The following LRP6 variants were observed in gnomAD, a reference collection of about 807,000 sequenced individuals.
The protein encoded by LRP6 is low-density lipoprotein receptor-related protein 6.
Under a neutral mutation model 184.1 loss-of-function variants are expected in LRP6, and 43 were observed. That is an observed-to-expected ratio of 0.23 (90% CI 0.18 to 0.30). The LOEUF (loss-of-function observed/expected upper bound fraction) is 0.30. Ranked by LOEUF, LRP6 falls within the 10% of genes least tolerant of loss-of-function variation. The pLI, the probability that LRP6 is intolerant of heterozygous loss-of-function variation, is 1.00. For missense variants in LRP6, 1,571 were observed against 2,005.3 expected (o/e 0.78, Z 4.14); for synonymous variants, 719 against 684.9 (o/e 1.05, Z -0.78).
Position 12,157,708 on chromosome 12 carries a change from A to G in LRP6, c.2791+1121T>C, listed in dbSNP as rs187088773. ...AAGAAAGTCATGTCAATAGTTAATTACCTCTAATATCCTTAGCAGTTTGTT... is the reference window on the plus strand; with the variant it reads ...AAGAAAGTCATGTCAATAGTTAATTGCCTCTAATATCCTTAGCAGTTTGTT... On this transcript the variant is annotated intron_variant, in intron 12 of 22. Transcript: ENST00000261349. Among the ~76,000 whole-genome samples, 301 of 152,286 alleles carry G rather than the reference A, an allele frequency of 2.0e-3. 2 individuals carry two copies. The highest frequency in any genetic ancestry group is 6.5e-3 in the African/African-American group (270 of 41,570).
rs771081750 is a variant in LRP6, at chr12:12,158,903, G to C, written c.2717C>G (p.Ala906Gly). 6.2e-6 allele frequency: 10 copies of C among 1,614,244 alleles called. No homozygotes were observed. Among genetic ancestry groups the C allele is most frequent in the Non-Finnish European group, 8.5e-6 (10 of 1,180,046 alleles). ...ACAAACAAAACCCCCAACTGGCACAGCCAAGCAGAGGTGGGAGCAGTGCCC... is the reference window on the plus strand; with the variant it reads ...ACAAACAAAACCCCCAACTGGCACACCCAAGCAGAGGTGGGAGCAGTGCCC... Reference protein sequence around the residue: ...SNGHCSHLCLAVPVGGFVCGC... With the variant: ...SNGHCSHLCLGVPVGGFVCGC... Residue 906 changes from alanine to glycine, a missense_variant, in exon 12 of 23, where the codon GCT becomes GGT. Transcript: ENST00000261349.
At chr12:12,229,314 G>C (rs1864714747) in intron 2 of LRP6, among the ~76,000 whole-genome samples, 1 of 147,768 alleles carries the variant, frequency 6.8e-6, no homozygotes, top group Non-Finnish European at 1.5e-5. Context: ...AGGTTGCTGT[G>C]AGCCGAGATC....
intron 2 of LRP6, among the ~76,000 whole-genome samples, chr12:12,204,072 C>T (rs1863984025): frequency 6.6e-6 from 1 of 152,066 alleles, no homozygotes; most frequent in Non-Finnish European, 1.5e-5. Flanking sequence ...AAATTAACAT[C>T]ACCAATAAGG....
chr12:12,197,626 G>GC (rs1863799190), intron 3 of LRP6, among the ~76,000 whole-genome samples: 1 of 152,046 alleles, frequency 6.6e-6, no homozygotes, highest in Non-Finnish European at 1.5e-5. Context: ...TTCCTCTCTT[G>GC]CCCATTAAGA....
rs1007508395 is a variant in LRP6 at position 12,120,939 on chromosome 12, A to C, written c.*187T>G. On this transcript the variant is annotated 3_prime_UTR_variant, in exon 23 of 23. Coordinates refer to ENST00000261349, the MANE Select transcript of LRP6 (RefSeq NM_002336.3). ...GCACAAGCAGCAAATCTGCTGTTTT[A>C]AGAAAATATATAAATATCCTTTTCT... The C allele has an allele frequency of 2.0e-6, 1 of 488,414 alleles. No homozygotes were observed. Among genetic ancestry groups the C allele is most frequent in the Non-Finnish European group, 3.4e-6 (1 of 290,260 alleles). The allele number at this position is 488,414 out of a possible 1,614,324, so 30.3% of individuals were successfully genotyped here.
chr12:12,164,494 G>C lies in LRP6; in HGVS notation c.1831C>G (p.Arg611Gly). The change falls in exon 9 of 23, where the codon CGC becomes GGC. Residue 611 changes from arginine to glycine, a missense_variant. Transcript: ENST00000261349. ...HLCLYRPQGLRCACPIGFELI... is the reference protein window; with the variant it reads ...HLCLYRPQGLGCACPIGFELI... ...TCAAAGCCAATAGGGCAAGCACAGC[G>C]AAGGCCCTGAGGTCTATAGAGGCAG... 6.2e-7 allele frequency: 1 copy of C among 1,614,134 alleles called. No homozygotes were observed. Among genetic ancestry groups the C allele is most frequent in the Non-Finnish European group, 8.5e-7 (1 of 1,180,026 alleles).
chr12:12,142,502 T>C (rs1226888538), intron 15 of LRP6, among the ~76,000 whole-genome samples: 2 of 151,452 alleles, frequency 1.3e-5, no homozygotes, highest in Non-Finnish European at 2.9e-5. Context: ...AAATACGAAA[T>C]AGAAAAAGGT....
chr12:12,180,260 T>TA lies in LRP6; in HGVS notation c.1374-280dup, dbSNP rs397688529. Among the ~76,000 whole-genome samples, 708 of 149,888 alleles carry TA rather than the reference T, an allele frequency of 4.7e-3. 2 individuals carry two copies. The highest frequency in any genetic ancestry group is 0.016 in the African/African-American group (652 of 40,956). The stretch of plus-strand genomic sequence containing the variant: ...TACTTCTTTTTTTTTTTTTTTTTTT[T>TA]AAATATTTTGTGTGCCCTTTTCCAT... On this transcript the variant is annotated intron_variant, in intron 6 of 22. Transcript: ENST00000261349.
intron 22 of LRP6, among the ~76,000 whole-genome samples, chr12:12,124,012 A>G (rs896462632): frequency 1.3e-5 from 2 of 152,142 alleles, no homozygotes; most frequent in Non-Finnish European, 2.9e-5. Flanking sequence ...CCTCCTTAGA[A>G]TACTGCCAAA....
At chr12:12,162,979 CT>C (rs1291197609) in intron 9 of LRP6, among the ~76,000 whole-genome samples, 2 of 152,002 alleles carry the variant, frequency 1.3e-5, no homozygotes, top group Non-Finnish European at 2.9e-5. Context: ...GGCATCACCC[CT>C]ATTTTATGTT....
rs533108615 is a variant in LRP6, at chr12:12,256,202, A to G, written c.55+10479T>C. Among the ~76,000 whole-genome samples the G allele has an allele frequency of 3.3e-5, 5 of 152,340 alleles. No individual in the cohort carries two copies. In the East Asian group the frequency reaches 9.6e-4, roughly 29 times the overall value. On this transcript the variant is annotated intron_variant, in intron 1 of 22. Coordinates refer to ENST00000261349, the MANE Select transcript of LRP6 (RefSeq NM_002336.3). ...CTGCAACAGGACGATTGACAGGGCT[A>G]TTCAGAAACACGAGATACTGGTAAA...
chr12:12,150,955 G>A lies in LRP6; in HGVS notation c.2875C>T (p.Leu959Phe), dbSNP rs760013671. The change falls in exon 13 of 23, where the codon CTT becomes TTT. Residue 959 changes from leucine (L) to phenylalanine (F), a missense_variant. Transcript: ENST00000261349. ...IDEQQSPDII[L>F]PIHSLRNVRA... ...ACATTCCGAAGGCTGTGGATGGGAA[G>A]GATGATGTCGGGGCTCTGTTGTTCA... 1 of 1,614,070 alleles carries A rather than the reference G, an allele frequency of 6.2e-7. No homozygotes were observed. Among genetic ancestry groups the A allele is most frequent in the African/African-American group, 1.3e-5 (1 of 74,936 alleles).
intron 3 of LRP6, among the ~76,000 whole-genome samples, chr12:12,190,853 A>G (rs1042543044): frequency 3.3e-5 from 5 of 152,246 alleles, no homozygotes; most frequent in African/African-American, 1.2e-4. Flanking sequence ...CAGTGATGGC[A>G]AAGCTTTGGA....
chr12:12,241,968 A>G (rs1224246911), intron 2 of LRP6, among the ~76,000 whole-genome samples: 1 of 152,252 alleles, frequency 6.6e-6, no homozygotes, highest in Non-Finnish European at 1.5e-5. Context: ...GATACTTATC[A>G]GACCTGCTAC....
chr12:12,191,751 A>C (rs1863623219), intron 3 of LRP6, among the ~76,000 whole-genome samples: 1 of 152,156 alleles, frequency 6.6e-6, no homozygotes, highest in African/African-American at 2.4e-5. Context: ...ACAGAACTTG[A>C]AAGAATGAGA....
At chr12:12,225,746 C>T (rs1864605424) in intron 2 of LRP6, among the ~76,000 whole-genome samples, 1 of 151,966 alleles carries the variant, frequency 6.6e-6, no homozygotes, top group African/African-American at 2.4e-5. Flanking sequence ...GTGGAGGACA[C>T]CTGTAATCCC....
In LRP6 at chr12:12,126,872, A is replaced by G. The variant is rs1484926384; in HGVS notation, c.4131T>C (p.Val1377=). The G allele has an allele frequency of 6.2e-7, 1 of 1,614,078 alleles. No homozygotes were observed. The highest frequency in any genetic ancestry group is 8.5e-7 in the Non-Finnish European group (1 of 1,180,016). ...CAAAAATGGTGACAATTACGCCAAT[A>G]ACAGAACCAACTGTATTGGTGGCCT... ...APQATNTVGS[V]IGVIVTIFVS... Residue 1377 remains valine (V), a synonymous_variant, in exon 20 of 23, where the codon GTT becomes GTC. Coordinates refer to ENST00000261349, the MANE Select transcript of LRP6 (RefSeq NM_002336.3).
intron 1 of LRP6, among the ~76,000 whole-genome samples, chr12:12,256,448 C>T (rs1022316175): frequency 6.6e-6 from 1 of 151,974 alleles, no homozygotes; most frequent in East Asian, 1.9e-4. Context: ...AAGGTCCAGG[C>T]TGCAGTGAGC....
At chr12:12,225,030 C>T (rs185108017) in intron 2 of LRP6, among the ~76,000 whole-genome samples, 1 of 152,250 alleles carries the variant, frequency 6.6e-6, no homozygotes, top group East Asian at 1.9e-4. Flanking sequence ...CATGGTTAAA[C>T]CCCATCTCTA....
Sources: allele counts gnomAD v4.1 joint callset (sites outside exome capture counted in the v4.1 genomes callset), GRCh38; gene constraint gnomAD v4.1.1; transcripts MANE v1.5; gene names NCBI Gene and HGNC (gene_info 2026-07-23, HGNC 2026-07-21).